The following FBXL18 variants were observed in gnomAD, a reference collection of about 807,000 sequenced individuals.
The protein encoded by FBXL18 is F-box/LRR-repeat protein 18.
In FBXL18, 36 loss-of-function variants were observed where a neutral mutation model predicts 46.0. That is an observed-to-expected ratio of 0.78 (90% CI 0.60 to 1.03). The LOEUF is 1.03. FBXL18 is among the 50% of genes least tolerant of loss of function. The pLI is 0.00. For synonymous variants in FBXL18, 557 were observed against 465.3 expected, an observed-to-expected ratio of 1.20 and a Z score of -2.54; for missense variants, 977 against 1,004.1, an observed-to-expected ratio of 0.97 and a Z score of 0.36.
intron 4 of FBXL18, among the ~76,000 whole-genome samples, chr7:5,463,534 G>C (rs1783287976): frequency 2.0e-5 from 3 of 151,308 alleles, no homozygotes; most frequent in Non-Finnish European, 4.4e-5. Context: ...CAGGAGGATT[G>C]CTTGAGCCCA....
intron 4 of FBXL18, chr7:5,490,223 A>G (rs765104612): frequency 1.5e-6 from 2 of 1,332,486 alleles, no homozygotes; most frequent in African/African-American, 3.0e-5. Context: ...CTGCAGGGAC[A>G]CGAACACTCA....
chr7:5,473,847 G>A (rs938500753), downstream of FBXL18, among the ~76,000 whole-genome samples: 1 of 151,782 alleles, frequency 6.6e-6, no homozygotes, highest in East Asian at 1.9e-4. Flanking sequence ...GCTGCTGGAG[G>A]GTAATAGTGC....
chr7:5,497,614 G>A (rs911011733), intron 3 of FBXL18, among the ~76,000 whole-genome samples: 27 of 152,186 alleles, frequency 1.8e-4, no homozygotes, highest in African/African-American at 5.5e-4. Context: ...GGCTGCTCCC[G>A]AGCAGACCCG....
At chr7:5,461,430 A>G (rs1783245048) in intron 4 of FBXL18, among the ~76,000 whole-genome samples, 1 of 152,120 alleles carries the variant, frequency 6.6e-6, no homozygotes, top group African/African-American at 2.4e-5. Context: ...ATTAAAAGTA[A>G]TGGCAAGAAC....
intron 4 of FBXL18, among the ~76,000 whole-genome samples, chr7:5,485,990 C>T (rs973591064): frequency 5.3e-5 from 8 of 151,572 alleles, no homozygotes; most frequent in East Asian, 1.9e-4. Context: ...GCCCAGGAAG[C>T]GGAGGTTGCA....
chr7:5,467,148 G>A (rs1327396107), intron 4 of FBXL18, among the ~76,000 whole-genome samples: 3 of 152,098 alleles, frequency 2.0e-5, no homozygotes, highest in Non-Finnish European at 2.9e-5. Flanking sequence ...TCAGGAGATC[G>A]AGACCATCCT....
intron 3 of FBXL18, among the ~76,000 whole-genome samples, 193 bp downstream of exon 3, chr7:5,500,295 C>T (rs940881967): frequency 6.6e-6 from 1 of 152,040 alleles, no homozygotes; most frequent in African/African-American, 2.4e-5. Flanking sequence ...GCTCAGACAT[C>T]CGCCTCCTGC....
At chr7:5,499,749 A>AG (rs1473323604) in intron 3 of FBXL18, among the ~76,000 whole-genome samples, 2 of 150,866 alleles carry the variant, frequency 1.3e-5, no homozygotes, top group East Asian at 1.9e-4. Context: ...AAAAAAGAAA[A>AG]AAAAAAAAAA....
chr7:5,496,478 G>A lies in FBXL18; in HGVS notation c.1781+4010C>T, dbSNP rs1406923140. Among the ~76,000 whole-genome samples the A allele has an allele frequency of 9.8e-6, 1 of 101,978 alleles. No homozygotes were observed. Among genetic ancestry groups the A allele is most frequent in the Non-Finnish European group, 2.2e-5 (1 of 46,424 alleles). 66.9% of individuals were successfully genotyped at this position (101,978 alleles called of 152,430 possible). A position where few individuals can be genotyped will look rare whatever the true frequency, so the allele number is the denominator to read the frequency against. ...TCCGTGGGCTCACCTGGATCCATAGGTGGCTAAAGGCCACCTATGAGCTGA... is the reference window on the plus strand; with the variant it reads ...TCCGTGGGCTCACCTGGATCCATAGATGGCTAAAGGCCACCTATGAGCTGA... On this transcript the variant is annotated intron_variant, in intron 3 of 4. Transcript: ENST00000382368. This position sits in a 1 kb window ranked among gnomAD's most constrained non-coding sequence, Gnocchi z 4.8.
At chr7:5,509,701 CAAAA>C (rs761762119) in intron 1 of FBXL18, among the ~76,000 whole-genome samples, 5 of 65,494 alleles carry the variant, frequency 7.6e-5, no homozygotes, top group Admixed American at 1.9e-4. Context: ...GATTCCATCT[CAAAA>C]AAAAAAAAAA....
In FBXL18 at chr7:5,513,734, C is replaced by T; in HGVS notation, c.-60G>A. The T allele has an allele frequency of 6.4e-7, 1 of 1,573,352 alleles. No homozygotes were observed. Among genetic ancestry groups the T allele is most frequent in the Non-Finnish European group, 8.6e-7 (1 of 1,159,570 alleles). Reference sequence around the variant, plus strand: ...CGCAACCCCGTGCCTCCCACCTGCCCGGCTAGGGATGCTCGAAGCCGGCGC... The same window carrying T: ...CGCAACCCCGTGCCTCCCACCTGCCTGGCTAGGGATGCTCGAAGCCGGCGC... On this transcript the variant is annotated 5_prime_UTR_variant, in exon 1 of 5. Transcript: ENST00000382368.
chr7:5,501,977 G>A lies in FBXL18; in HGVS notation c.292C>T (p.Gln98Ter). The A allele has an allele frequency of 6.2e-7, 1 of 1,608,160 alleles. No homozygotes were observed. Among genetic ancestry groups the A allele is most frequent in the Non-Finnish European group, 8.5e-7 (1 of 1,177,948 alleles). The change falls in exon 3 of 5, where the codon CAG becomes TAG. Residue 98 changes from glutamine (Q) to a stop codon, truncating the protein, a stop_gained. Transcript: ENST00000382368. LOFTEE classifies it high-confidence loss of function. ...CAGTAGCAGCCAGCCATGCTCAGCT[G>A]CTGGATCTCCCGGCCGATCTCCTTC... ...LVKEIGREIQQLSMAGCYWLP... is the reference protein window; with the variant it reads ...LVKEIGREIQ
At chr7:5,497,432 A>T (rs1360848759) in intron 3 of FBXL18, among the ~76,000 whole-genome samples, 1 of 152,138 alleles carries the variant, frequency 6.6e-6, no homozygotes, top group Non-Finnish European at 1.5e-5. Flanking sequence ...ACTCCACCAG[A>T]CAGGAAATAC....
rs768956668 is a variant in FBXL18, at chr7:5,501,054, G to A, written c.1215C>T (p.Leu405=). The A allele has an allele frequency of 1.2e-6, 2 of 1,609,122 alleles. No homozygotes were observed. The highest frequency in any genetic ancestry group is 2.2e-5 in the South Asian group (2 of 90,926). The change falls in exon 3 of 5, where the codon CTC becomes CTT. Residue 405 remains leucine (L), a synonymous_variant. Transcript: ENST00000382368. ...HHSSEGLGRH[L]CQLLARLRHL... Reference sequence around the variant, plus strand: ...GACGCAGCCGGGCCAGGAGCTGGCAGAGGTGGCGGCCCAGGCCCTCCGAGC... The same window carrying A: ...GACGCAGCCGGGCCAGGAGCTGGCAAAGGTGGCGGCCCAGGCCCTCCGAGC...
In FBXL18 at chr7:5,513,774, C is replaced by G; in HGVS notation, c.-100G>C. On this transcript the variant is annotated 5_prime_UTR_variant, in exon 1 of 5. Coordinates refer to ENST00000382368, the MANE Select transcript of FBXL18 (RefSeq NM_024963.6). ...GAAGCCGGCGCGTCCACCGCTCAAC[C>G]GAGACCCCGGCAAGGAGCGGGCTCT... 1 of 1,488,122 alleles carries G rather than the reference C, an allele frequency of 6.7e-7. No homozygotes were observed. Among genetic ancestry groups the G allele is most frequent in the Non-Finnish European group, 9.1e-7 (1 of 1,103,348 alleles). 92.2% of individuals were successfully genotyped at this position (1,488,122 alleles called of 1,614,324 possible).
chr7:5,502,086 G>C, intron 2 of FBXL18, 55 bp from the exon 3 acceptor site: 5 of 1,326,398 alleles, frequency 3.8e-6, no homozygotes, highest in Non-Finnish European at 5.1e-6. Flanking sequence ...GGCACCTACG[G>C]GTCTCCAACC....
chr7:5,508,290 T>C (rs1313433753), intron 1 of FBXL18, among the ~76,000 whole-genome samples: 2 of 131,714 alleles, frequency 1.5e-5, no homozygotes, highest in African/African-American at 5.7e-5. Context: ...AAGAAAAAAA[T>C]ACAAAAATTA....
chr7:5,463,570 G>A (rs557381010), intron 4 of FBXL18, among the ~76,000 whole-genome samples: 81 of 151,536 alleles, frequency 5.3e-4, no homozygotes, highest in African/African-American at 1.9e-3. Context: ...AGTGAACCAC[G>A]ATTGTGCCAC....
rs1383455052 is a variant in FBXL18 at position 5,480,191 on chromosome 7, GGC to G, written c.*1582_*1583del. ...TGTGAGACACCACCCCACAGGACGG[GGC>G]ATCTGTCACACGGAAACCCAGGAGG... On this transcript the variant is annotated 3_prime_UTR_variant, in exon 5 of 5. Coordinates refer to ENST00000382368, the MANE Select transcript of FBXL18 (RefSeq NM_024963.6). 6.6e-6 allele frequency among the ~76,000 whole-genome samples: 1 copy of G among 152,172 alleles called. No individual in the cohort carries two copies. Among genetic ancestry groups the G allele is most frequent in the African/African-American group, 2.4e-5 (1 of 41,434 alleles).
Sources: gnomAD v4.1 joint callset for allele counts (sites outside exome capture counted in the v4.1 genomes callset) on GRCh38, gnomAD v4.1.1 for gene constraint, Gnocchi (gnomAD v3.1) non-coding constraint, MANE v1.5 for transcripts, NCBI Gene and HGNC (gene_info 2026-07-23, HGNC 2026-07-21) for gene names.